The following FYB2 variants were observed in gnomAD, a reference collection of about 807,000 sequenced individuals.
The protein encoded by FYB2 is FYN-binding protein 2.
Under a neutral mutation model 94.1 loss-of-function variants are expected in FYB2, and 103 were observed. That is an observed-to-expected ratio of 1.09 (90% CI 0.93 to 1.29). The LOEUF (loss-of-function observed/expected upper bound fraction) is 1.29, where lower values mean the gene tolerates loss of function less well. FYB2 is among the 50% of genes most tolerant of loss of function. FYB2 has a pLI of 0.00. For synonymous variants in FYB2, 293 were observed against 287.9 expected (o/e 1.02, Z -0.18); for missense variants, 896 against 841.5 (o/e 1.06, Z -0.80).
chr1:56,728,675 A>G (rs1644637579), intron 15 of FYB2, among the ~76,000 whole-genome samples: 1 of 152,096 alleles, frequency 6.6e-6, no homozygotes, highest in Non-Finnish European at 1.5e-5. Flanking sequence ...TTTCTTCTTA[A>G]ATTATCACCT....
At chr1:56,826,355 G>T in the FYB2 span, among the ~76,000 whole-genome samples, 1 of 152,156 alleles carries the variant, frequency 6.6e-6, no homozygotes, top group Non-Finnish European at 1.5e-5. Context: ...GCCTACAGGG[G>T]CAAGTCCAAA....
chr1:56,805,099 G>C (rs1361020291), intron 1 of FYB2, among the ~76,000 whole-genome samples: 3 of 152,168 alleles, frequency 2.0e-5, no homozygotes, highest in Non-Finnish European at 4.4e-5. Context: ...TGGGCCAACT[G>C]TCTGTACTTG....
intron 15 of FYB2, among the ~76,000 whole-genome samples, chr1:56,734,938 C>A (rs1210800693): frequency 6.6e-6 from 1 of 151,636 alleles, no homozygotes; most frequent in Non-Finnish European, 1.5e-5. Context: ...GGATGGCATT[C>A]ATCAAAAGGA....
chr1:56,824,709 G>A, the FYB2 span: 1 of 152,238 alleles, frequency 6.6e-6, no homozygotes, highest in Non-Finnish European at 1.5e-5. Flanking sequence ...CAGCCCTAGG[G>A]ATCGTACCTC....
At chr1:56,738,342 T>C (rs998534404) in intron 14 of FYB2, among the ~76,000 whole-genome samples, 2 of 152,120 alleles carry the variant, frequency 1.3e-5, no homozygotes, top group African/African-American at 4.8e-5. Context: ...CACTTAAATA[T>C]GGTCCTACAG....
At chr1:56,739,965 A>T (rs939509372) in intron 13 of FYB2, among the ~76,000 whole-genome samples, 5 of 152,068 alleles carry the variant, frequency 3.3e-5, no homozygotes, top group Non-Finnish European at 4.4e-5. Flanking sequence ...GAATATCTAC[A>T]TCTATATCTA....
intron 1 of FYB2, among the ~76,000 whole-genome samples, chr1:56,818,899 C>T (rs899121251): frequency 6.6e-5 from 10 of 152,074 alleles, no homozygotes; most frequent in African/African-American, 1.9e-4. Context: ...CCAGGAGGCC[C>T]GCTAATCACT....
intron 12 of FYB2, among the ~76,000 whole-genome samples, chr1:56,741,233 T>C (rs1046894375): frequency 3.9e-5 from 6 of 152,096 alleles, no homozygotes; most frequent in African/African-American, 9.7e-5. Flanking sequence ...TGATATGAAG[T>C]TGCACACACC....
intron 1 of FYB2, among the ~76,000 whole-genome samples, chr1:56,795,095 A>G (rs1372527014): frequency 6.6e-6 from 1 of 151,538 alleles, no homozygotes; most frequent in East Asian, 2.0e-4. Flanking sequence ...TTGTGTAACC[A>G]ATCTCCAGAA....
chr1:56,777,290 A>G (rs772018088), intron 4 of FYB2, among the ~76,000 whole-genome samples: 6 of 150,270 alleles, frequency 4.0e-5, no homozygotes, highest in Non-Finnish European at 8.9e-5. Context: ...TAGAAGGCCC[A>G]GAGATATCAA....
intron 11 of FYB2, among the ~76,000 whole-genome samples, chr1:56,743,257 C>A (rs1644995757): frequency 6.6e-6 from 1 of 151,910 alleles, no homozygotes; most frequent in African/African-American, 2.4e-5. Flanking sequence ...TTTTGAATAT[C>A]TAACATGTAC....
At position 56,785,129 on chromosome 1, in the gene FYB2, G is replaced by A. The variant is rs570042521; in HGVS notation, c.953+2046C>T. Among the ~76,000 whole-genome samples the A allele has an allele frequency of 5.9e-5, 9 of 152,296 alleles. No homozygotes were observed. In the South Asian group the frequency reaches 1.0e-3, roughly 18 times the overall value. On this transcript the variant is annotated intron_variant, in intron 4 of 19. Coordinates refer to ENST00000343433, the MANE Select transcript of FYB2 (RefSeq NM_001004303.5). ...CCTGTAAATCCCTTAGGAAGATGGT[G>A]CCATGTGGAGACTGACTAATGGGCC... is the stretch of plus-strand genomic sequence containing the variant.
rs149690731 is a variant in FYB2 at position 56,787,195 on chromosome 1, C to G, written c.933G>C (p.Glu311Asp). The G allele has an allele frequency of 1.3e-4, 202 of 1,613,980 alleles. No homozygotes were observed. In the African/African-American group the frequency reaches 2.3e-3, roughly 19 times the overall value. ...PKTQGEVTVEEGSLSPERLFN... is the reference protein window; with the variant it reads ...PKTQGEVTVEDGSLSPERLFN... ...CTTACCTCTCTGGAGACAGGGAGCC[C>G]TCTTCCACAGTCACTGCAAGAGAAA... The change falls in exon 4 of 20, where the codon GAG (glutamate) becomes GAC (aspartate). Residue 311 changes from glutamate (E) to aspartate (D), a missense_variant. Physicochemically the swap from Glu to Asp is conservative, Grantham distance 45. Coordinates refer to ENST00000343433, the MANE Select transcript of FYB2 (RefSeq NM_001004303.5).
At chr1:56,798,052 T>C (rs1379522285) in intron 1 of FYB2, among the ~76,000 whole-genome samples, 1 of 152,206 alleles carries the variant, frequency 6.6e-6, no homozygotes, top group Admixed American at 6.5e-5. Context: ...CCTATTTATG[T>C]TGGTATCCCC....
chr1:56,741,130 C>A (rs1198584886), intron 12 of FYB2, among the ~76,000 whole-genome samples: 1 of 151,962 alleles, frequency 6.6e-6, no homozygotes, highest in African/African-American at 2.4e-5. Context: ...AAATAAAGAA[C>A]CAGAGGCTTT....
At chr1:56,740,572 G>T in intron 13 of FYB2, 125 bp downstream of exon 13, 1 of 542,404 alleles carries the variant, frequency 1.8e-6, no homozygotes. Flanking sequence ...GGCAGATGAT[G>T]GCCAGACCCT....
chr1:56,740,723 C>G lies in FYB2; in HGVS notation c.1677G>C (p.Lys559Asn). 1 of 1,604,914 alleles carries G rather than the reference C, an allele frequency of 6.2e-7. No homozygotes were observed. The highest frequency in any genetic ancestry group is 2.2e-5 in the East Asian group (1 of 44,580). Residue 559 changes from lysine to asparagine, a missense_variant, in exon 13 of 20, where the codon AAG (lysine) becomes AAC (asparagine). Lys to Asn is a moderately conservative substitution (Grantham distance 94). Transcript: ENST00000343433. Reference sequence around the variant, plus strand: ...TTAAGTTTTCTTTCGACTTGGTTTTCTTTATTTTAAATCTATCCTTTTCTT... The same window carrying G: ...TTAAGTTTTCTTTCGACTTGGTTTTGTTTATTTTAAATCTATCCTTTTCTT... ...FKKEKDRFKI[K>N]KTKSKENLSA...
At chr1:56,722,819 A>G (rs1426287354) in intron 17 of FYB2, among the ~76,000 whole-genome samples, 3 of 152,042 alleles carry the variant, frequency 2.0e-5, no homozygotes, top group East Asian at 1.9e-4. Flanking sequence ...GCAAGGGGGA[A>G]TTTTTGAAAA....
intron 11 of FYB2, among the ~76,000 whole-genome samples, chr1:56,743,026 C>G (rs1644989810): frequency 6.6e-6 from 1 of 151,894 alleles, no homozygotes; most frequent in African/African-American, 2.4e-5. Context: ...ATGACTAAGT[C>G]AAGCCAGTTA....
Sources: gnomAD v4.1 joint callset for allele counts (sites outside exome capture counted in the v4.1 genomes callset) on GRCh38, gnomAD v4.1.1 for gene constraint, MANE v1.5 for transcripts, NCBI Gene and HGNC (gene_info 2026-07-23, HGNC 2026-07-21) for gene names.